The following ACSF2 variants were observed in gnomAD, a reference collection of about 807,000 sequenced individuals.
ACSF2 encodes the protein medium-chain acyl-CoA ligase ACSF2, mitochondrial.
Under a neutral mutation model 79.3 loss-of-function variants are expected in ACSF2, and 52 were observed. The observed-to-expected ratio is 0.66, with a 90% CI of 0.53 to 0.83. The LOEUF is 0.83. Ranked by LOEUF, ACSF2 falls within the 40% of genes least tolerant of loss-of-function variation. The probability of loss-of-function intolerance (pLI) is 0.00; values close to 1 mark genes in which losing one functional copy is unlikely to be tolerated. For synonymous variants in ACSF2, 283 were observed against 312.6 expected, an observed-to-expected ratio of 0.91 and a Z score of 1.00; for missense variants, 661 against 803.3, an observed-to-expected ratio of 0.82 and a Z score of 2.14.
chr17:50,431,806 T>A (rs1016458834), intron 1 of ACSF2, among the ~76,000 whole-genome samples: 8 of 152,206 alleles, frequency 5.3e-5, no homozygotes, highest in African/African-American at 1.9e-4. Context: ...TTTACTTCAA[T>A]CTACAGATGA....
chr17:50,463,673 G>C lies in ACSF2; in HGVS notation c.1046+121G>C. 4.6e-6 allele frequency: 7 copies of C among 1,510,950 alleles called. No individual in the cohort carries two copies. Among genetic ancestry groups the C allele is most frequent in the Non-Finnish European group, 6.3e-6 (7 of 1,106,534 alleles). 93.6% of individuals were successfully genotyped at this position (1,510,950 alleles called of 1,614,324 possible). A position where few individuals can be genotyped will look rare whatever the true frequency, so the allele number is the denominator to read the frequency against. On this transcript the variant is annotated intron_variant, in intron 8 of 15. Coordinates refer to ENST00000300441, the MANE Select transcript of ACSF2 (RefSeq NM_025149.6). This position sits in a 1 kb window ranked among gnomAD's most constrained non-coding sequence, Gnocchi z 4.6. ...AGCCAGGAGACTGAGGATGGGGACA[G>C]TGGAGGACCCCCAGGAGAGGACCAG...
At chr17:50,469,162 T>C (rs2032969789) in intron 10 of ACSF2, 1 of 432,680 alleles carries the variant, frequency 2.3e-6, no homozygotes, top group Non-Finnish European at 3.1e-6. Flanking sequence ...GGGGCTTTTC[T>C]GGGAAGGGGG....
At chr17:50,441,355 T>G (rs2030901009) in intron 1 of ACSF2, among the ~76,000 whole-genome samples, 1 of 152,150 alleles carries the variant, frequency 6.6e-6, no homozygotes, top group African/African-American at 2.4e-5. Flanking sequence ...TGGTGTTTTT[T>G]GTAGGGATGG....
At chr17:50,458,628 C>T (rs2032156183) in intron 1 of ACSF2, among the ~76,000 whole-genome samples, 1 of 152,218 alleles carries the variant, frequency 6.6e-6, no homozygotes, top group Non-Finnish European at 1.5e-5. Context: ...GTCTTTCCCA[C>T]CAGACCCTTA....
At chr17:50,448,032 C>G (rs564894065) in intron 1 of ACSF2, among the ~76,000 whole-genome samples, 2 of 152,352 alleles carry the variant, frequency 1.3e-5, no homozygotes, top group South Asian at 4.1e-4. Context: ...TTTATATGTA[C>G]AGTCTGGCGT....
In ACSF2 at chr17:50,463,092, G is replaced by C; in HGVS notation, c.793-64G>C. 1 of 1,373,840 alleles carries C rather than the reference G, an allele frequency of 7.3e-7. No individual in the cohort carries two copies. Among genetic ancestry groups the C allele is most frequent in the Admixed American group, 1.7e-5 (1 of 57,794 alleles). 85.1% of individuals were successfully genotyped at this position (1,373,840 alleles called of 1,614,324 possible). A position where few individuals can be genotyped will look rare whatever the true frequency, so the allele number is the denominator to read the frequency against. On this transcript the variant is annotated intron_variant, in intron 6 of 15. Transcript: ENST00000300441. This position sits in a 1 kb window ranked among gnomAD's most constrained non-coding sequence, Gnocchi z 4.6. ...GATTCCCGGTCCCGTGCTCTTCAAG[G>C]CAGTGGCCCAGGGTGGGAAGGAGAT... is the stretch of plus-strand genomic sequence containing the variant.
chr17:50,460,652 A>G (rs2032272545), intron 1 of ACSF2, 25 bp from the exon 2 acceptor site: 5 of 1,595,554 alleles, frequency 3.1e-6, no homozygotes, highest in Non-Finnish European at 4.3e-6. Flanking sequence ...TGGGACAGTC[A>G]AACCCATAGC....
intron 10 of ACSF2, chr17:50,468,807 G>T: frequency 1.3e-6 from 2 of 1,534,190 alleles, no homozygotes; most frequent in Admixed American, 2.0e-5. Context: ...AGCATTGGGC[G>T]GACCATGGCT....
chr17:50,429,569 G>T (rs1232605281), intron 1 of ACSF2, among the ~76,000 whole-genome samples: 1 of 151,710 alleles, frequency 6.6e-6, no homozygotes, highest in African/African-American at 2.4e-5. Context: ...CCCCAGGCTG[G>T]AGTGCAATGG....
At chr17:50,465,263 G>A in intron 10 of ACSF2, 2 of 1,613,556 alleles carry the variant, frequency 1.2e-6, no homozygotes, top group Non-Finnish European at 1.7e-6. Context: ...ACCAAAGAGG[G>A]ACATAGGGGA....
chr17:50,472,391 G>A (rs761816577), intron 11 of ACSF2, 37 bp from the exon 12 acceptor site: 2 of 1,600,458 alleles, frequency 1.2e-6, no homozygotes, highest in African/African-American at 2.7e-5. Context: ...TGAAGCAAGA[G>A]GATAGGAAGC....
intron 1 of ACSF2, among the ~76,000 whole-genome samples, chr17:50,449,420 T>A (rs1363924689): frequency 6.6e-6 from 1 of 151,190 alleles, no homozygotes; most frequent in Non-Finnish European, 1.5e-5. Flanking sequence ...TTTTTTTTTC[T>A]TTGAGACTGA....
Position 50,471,321 on chromosome 17 carries a change from G to T in ACSF2, c.1323+186G>T, listed in dbSNP as rs1318568873. ...TCTCTGTGGGCTAAGCATGAAAGGGGAAGAGCTGGAACAGTGGCTGTGAGC... is the reference window on the plus strand; with the variant it reads ...TCTCTGTGGGCTAAGCATGAAAGGGTAAGAGCTGGAACAGTGGCTGTGAGC... On this transcript the variant is annotated intron_variant, in intron 11 of 15. Transcript: ENST00000300441. The surrounding 1 kb of genome is among the most constrained non-coding windows in gnomAD (Gnocchi z 4.1). The T allele has an allele frequency of 8.6e-6, 5 of 580,896 alleles. No individual in the cohort carries two copies. The highest frequency in any genetic ancestry group is 1.5e-5 in the Non-Finnish European group (5 of 323,794). The allele number at this position is 580,896 out of a possible 1,614,324, so 36.0% of individuals were successfully genotyped here.
chr17:50,447,851 A>C (rs1191647339), intron 1 of ACSF2, among the ~76,000 whole-genome samples: 2 of 152,226 alleles, frequency 1.3e-5, no homozygotes, highest in Non-Finnish European at 2.9e-5. Flanking sequence ...TCTCAGCTAG[A>C]TGGCTTGACC....
At position 50,473,911 on chromosome 17, in the gene ACSF2, C is replaced by T. The variant is rs753531778; in HGVS notation, c.1635C>T (p.Asp545=). ...VQEVQVVGVK[D]DRMGEEICAC... ...CCTGGAAGGTGGTGGGAGTGAAGGA[C>T]GATCGGATGGGGGAAGAGATTTGTG... is the stretch of plus-strand genomic sequence containing the variant. Residue 545 remains aspartate (D), a synonymous_variant, in exon 14 of 16, where the codon GAC becomes GAT. Transcript: ENST00000300441. 3.1e-5 allele frequency: 50 copies of T among 1,588,024 alleles called. No homozygotes were observed. Among genetic ancestry groups the T allele is most frequent in the East Asian group, 1.8e-4 (8 of 44,494 alleles).
chr17:50,446,627 C>T (rs1053274813), intron 1 of ACSF2, among the ~76,000 whole-genome samples: 1 of 152,196 alleles, frequency 6.6e-6, no homozygotes, highest in African/African-American at 2.4e-5. Flanking sequence ...AGACACAGAA[C>T]ATGACCAGAA....
chr17:50,446,813 G>T (rs190330028), intron 1 of ACSF2, among the ~76,000 whole-genome samples: 1 of 152,126 alleles, frequency 6.6e-6, no homozygotes. Flanking sequence ...GATTCAGATT[G>T]CTGGGCATAA....
At chr17:50,446,910 T>C (rs2031339593) in intron 1 of ACSF2, among the ~76,000 whole-genome samples, 1 of 152,234 alleles carries the variant, frequency 6.6e-6, no homozygotes, top group Non-Finnish European at 1.5e-5. Flanking sequence ...CATTTGGGTA[T>C]TTTAAATATT....
At chr17:50,450,223 G>A in intron 1 of ACSF2, 1 of 154,808 alleles carries the variant, frequency 6.5e-6, no homozygotes, top group Non-Finnish European at 1.5e-5. Context: ...GCATCAAGAA[G>A]TTGATCCAGC....
Sources: gnomAD v4.1 joint callset for allele counts (sites outside exome capture counted in the v4.1 genomes callset) on GRCh38, gnomAD v4.1.1 for gene constraint, Gnocchi (gnomAD v3.1) non-coding constraint, MANE v1.5 for transcripts, NCBI Gene and HGNC (gene_info 2026-07-23, HGNC 2026-07-21) for gene names.